The following TDP1 variants were observed in gnomAD, a reference collection of about 807,000 sequenced individuals.
The protein encoded by TDP1 is tyrosyl-DNA phosphodiesterase 1, also known as tyr-DNA phosphodiesterase 1.
In TDP1, 64 loss-of-function variants were observed where a neutral mutation model predicts 81.5. The ratio of observed to expected loss-of-function variants is 0.79; its 90% confidence interval spans 0.64 to 0.97. The LOEUF (loss-of-function observed/expected upper bound fraction) is 0.97, where lower values mean the gene tolerates loss of function less well. TDP1 is among the 50% of genes least tolerant of loss of function. The probability of loss-of-function intolerance (pLI) is 0.00; values close to 1 mark genes in which losing one functional copy is unlikely to be tolerated. For synonymous variants in TDP1, 256 were observed against 264.3 expected, an observed-to-expected ratio of 0.97 and a Z score of 0.30; for missense variants, 723 against 743.8, an observed-to-expected ratio of 0.97 and a Z score of 0.33.
rs1235933293 is a variant in TDP1 at position 89,989,704 on chromosome 14, C to T, written c.1318-13C>T. ...GTACATTCCGAGTTTTATTGTTTTC[C>T]TCTTATTTTTAGATCTATCCTTCTG... On this transcript the variant is annotated splice_polypyrimidine_tract_variant and intron_variant, in intron 11 of 16. Coordinates refer to ENST00000335725, the MANE Select transcript of TDP1 (RefSeq NM_018319.4). 1.2e-6 allele frequency: 2 copies of T among 1,601,596 alleles called. No homozygotes were observed. The highest frequency in any genetic ancestry group is 1.7e-6 in the Non-Finnish European group (2 of 1,169,314).
rs1892538881 is a variant in TDP1 at position 89,963,204 on chromosome 14, C to T, written c.90C>T (p.Thr30=). 1.9e-6 allele frequency: 3 copies of T among 1,614,144 alleles called. No homozygotes were observed. The highest frequency in any genetic ancestry group is 1.7e-6 in the Non-Finnish European group (2 of 1,180,024). The part of the protein sequence containing the change: ...EEKPKPDKPS[T]SSLLCARQGA... ...AGCCAAAACCAGACAAGCCATCTAC[C>T]TCTTCTCTTCTCTGTGCCAGGCAAG... Residue 30 remains threonine, a synonymous_variant, in exon 3 of 17, where the codon ACC becomes ACT. Coordinates refer to ENST00000335725, the MANE Select transcript of TDP1 (RefSeq NM_018319.4).
intron 6 of TDP1, 198 bp from the exon 7 acceptor site, chr14:89,975,583 T>C: frequency 2.6e-6 from 1 of 384,432 alleles, no homozygotes; most frequent in Non-Finnish European, 3.1e-6. Flanking sequence ...AAATTTGTGT[T>C]TTTTTTTTTT....
At chr14:90,015,065 C>G (rs1332906826) in intron 14 of TDP1, among the ~76,000 whole-genome samples, 2 of 152,174 alleles carry the variant, frequency 1.3e-5, no homozygotes, top group Non-Finnish European at 2.9e-5. Flanking sequence ...ATGGGTGTCT[C>G]TCATCATTGT....
At chr14:89,975,151 C>T (rs1290382238) in intron 6 of TDP1, among the ~76,000 whole-genome samples, 1 of 152,232 alleles carries the variant, frequency 6.6e-6, no homozygotes, top group Non-Finnish European at 1.5e-5. Flanking sequence ...TCTCAGCTCA[C>T]TGCAAGCTCT....
chr14:89,972,484 G>A (rs576439473), intron 6 of TDP1, among the ~76,000 whole-genome samples: 1 of 152,304 alleles, frequency 6.6e-6, no homozygotes, highest in Admixed American at 6.5e-5. Flanking sequence ...CAAAGGCCAA[G>A]AAACGGTTAT....
chr14:89,991,138 A>G (rs1896131424), intron 12 of TDP1, among the ~76,000 whole-genome samples: 2 of 152,162 alleles, frequency 1.3e-5, no homozygotes, highest in African/African-American at 4.8e-5. Flanking sequence ...TTCCTCCCCA[A>G]GTCCCACGGT....
intron 10 of TDP1, among the ~76,000 whole-genome samples, chr14:89,987,521 G>T (rs1199481917): frequency 6.6e-6 from 1 of 152,218 alleles, no homozygotes; most frequent in East Asian, 1.9e-4. Context: ...AGCATGAATG[G>T]CACGCAGAGG....
intron 14 of TDP1, among the ~76,000 whole-genome samples, chr14:90,012,515 A>G (rs1047497430): frequency 2.6e-5 from 4 of 151,570 alleles, no homozygotes; most frequent in Non-Finnish European, 1.5e-5. Context: ...CTGGACATCC[A>G]GGCGTTTCTA....
intron 16 of TDP1, 144 bp downstream of exon 16, chr14:90,033,358 G>A: frequency 1.4e-6 from 1 of 701,484 alleles, no homozygotes; most frequent in Non-Finnish European, 2.6e-6. Flanking sequence ...TTGCCAGCCT[G>A]TCTGGGGCCT....
intron 16 of TDP1, among the ~76,000 whole-genome samples, chr14:90,034,589 C>T (rs1292085475): frequency 6.6e-6 from 1 of 152,206 alleles, no homozygotes; most frequent in African/African-American, 2.4e-5. Context: ...GGTGGGTCCA[C>T]ACTTAGCAAA....
At chr14:89,961,981 G>A (rs1892382900) in intron 2 of TDP1, among the ~76,000 whole-genome samples, 1 of 152,136 alleles carries the variant, frequency 6.6e-6, no homozygotes, top group Admixed American at 6.6e-5. Flanking sequence ...CTGTTCTTTA[G>A]CTGTCTGGAA....
chr14:89,996,658 T>A (rs1250258615), intron 14 of TDP1, among the ~76,000 whole-genome samples: 1 of 152,226 alleles, frequency 6.6e-6, no homozygotes, highest in Non-Finnish European at 1.5e-5. Flanking sequence ...AAGTCTTGCC[T>A]TGGACAAGTT....
rs1167741092 is a variant in TDP1 at position 89,984,689 on chromosome 14, T to C, written c.1052+6T>C. ...CACGATCTCTCTGAAACAAAGTATG[T>C]GTCAGCTTATCAATTTGGGGTGCTT... is the stretch of plus-strand genomic sequence containing the variant. On this transcript the variant is annotated splice_donor_region_variant and intron_variant, in intron 9 of 16. Transcript: ENST00000335725. 1 of 1,613,558 alleles carries C rather than the reference T, an allele frequency of 6.2e-7. No homozygotes were observed. The highest frequency in any genetic ancestry group is 2.2e-5 in the East Asian group (1 of 44,876).
intron 2 of TDP1, among the ~76,000 whole-genome samples, chr14:89,957,533 A>G (rs1891807951): frequency 6.6e-6 from 1 of 152,218 alleles, no homozygotes; most frequent in Non-Finnish European, 1.5e-5. Context: ...ATTGAGGAGC[A>G]TGGCCTCCAG....
chr14:89,956,473 T>C (rs1461363010), intron 1 of TDP1, 105 bp from the exon 2 acceptor site: 1 of 152,360 alleles, frequency 6.6e-6, no homozygotes, highest in Non-Finnish European at 1.5e-5. Context: ...CGCAGTAAGG[T>C]TAGCAGCTGC....
At chr14:89,991,457 T>C in intron 12 of TDP1, 1 of 695,232 alleles carries the variant, frequency 1.4e-6, no homozygotes, top group Non-Finnish European at 1.8e-6. Context: ...TAATTTACTT[T>C]TATTCTCGAC....
chr14:89,962,321 A>G (rs1892418715), intron 2 of TDP1, among the ~76,000 whole-genome samples: 1 of 152,198 alleles, frequency 6.6e-6, no homozygotes, highest in Non-Finnish European at 1.5e-5. Flanking sequence ...GCTTTATGGT[A>G]AATGGGTTGT....
chr14:89,959,228 A>G (rs948840797), intron 2 of TDP1, among the ~76,000 whole-genome samples: 16 of 152,200 alleles, frequency 1.1e-4, no homozygotes, highest in African/African-American at 3.9e-4. Flanking sequence ...GTGACTTCAG[A>G]TTTATGCTGT....
intron 6 of TDP1, among the ~76,000 whole-genome samples, chr14:89,973,164 C>T (rs945774519): frequency 6.6e-6 from 1 of 152,204 alleles, no homozygotes; most frequent in Non-Finnish European, 1.5e-5. Flanking sequence ...GGGCTCATCT[C>T]ATGCCCATAG....
Sources: gnomAD v4.1 joint callset for allele counts (sites outside exome capture counted in the v4.1 genomes callset) on GRCh38, gnomAD v4.1.1 for gene constraint, MANE v1.5 for transcripts, NCBI Gene and HGNC (gene_info 2026-07-23, HGNC 2026-07-21) for gene names.